The following CMSS1 variants were observed in gnomAD, a reference collection of about 807,000 sequenced individuals.
The protein encoded by CMSS1 is protein CMSS1.
In CMSS1, 33 loss-of-function variants were observed where a neutral mutation model predicts 43.5. That is an observed-to-expected ratio of 0.76 (90% CI 0.57 to 1.01). The LOEUF is 1.01. CMSS1 is among the 50% of genes least tolerant of loss of function. The pLI is 0.00. For missense variants in CMSS1, 313 were observed against 326.4 expected (o/e 0.96, Z 0.32); for synonymous variants, 115 against 117.2 (o/e 0.98, Z 0.12).
intron 1 of CMSS1, among the ~76,000 whole-genome samples, chr3:100,059,978 T>C (rs1431371457): frequency 2.0e-5 from 3 of 151,246 alleles, no homozygotes; most frequent in African/African-American, 7.3e-5. Context: ...AATGATTAAT[T>C]TAAAATGTGA....
intron 1 of CMSS1, among the ~76,000 whole-genome samples, chr3:99,906,048 C>T (rs146728254): frequency 8.9e-4 from 135 of 152,192 alleles, no homozygotes; most frequent in African/African-American, 3.1e-3. Flanking sequence ...CAAACATTAG[C>T]TGGGCATGGT....
At position 99,977,782 on chromosome 3, in the gene CMSS1, T is replaced by C. The variant is rs145336226; in HGVS notation, c.64+159739T>C. On this transcript the variant is annotated intron_variant, in intron 1 of 9. Transcript: ENST00000421999. ...CTACTGGGTCAGTTCCTTCATAAACTAGTTAACTTACTTTGTCTGATGGCC... is the reference window on the plus strand; with the variant it reads ...CTACTGGGTCAGTTCCTTCATAAACCAGTTAACTTACTTTGTCTGATGGCC... Among the ~76,000 whole-genome samples, 688 of 152,300 alleles carry C rather than the reference T, an allele frequency of 4.5e-3. 7 individuals are homozygous for C. Among genetic ancestry groups the C allele is most frequent in the African/African-American group, 0.016 (674 of 41,564 alleles).
chr3:99,902,326 A>G (rs1271281672), intron 1 of CMSS1, among the ~76,000 whole-genome samples: 3 of 152,180 alleles, frequency 2.0e-5, no homozygotes, highest in Non-Finnish European at 4.4e-5. Flanking sequence ...TCAGTGCTGA[A>G]TAGATATCTG....
chr3:99,832,543 TAA>T (rs746255036), intron 1 of CMSS1, among the ~76,000 whole-genome samples: 5 of 42,406 alleles, frequency 1.2e-4, no homozygotes, highest in East Asian at 1.0e-3. Context: ...CCCAAATCTT[TAA>T]AAAAAAAAAA....
rs547300952 is a variant in CMSS1 at position 99,913,389 on chromosome 3, G to A, written c.64+95346G>A. Among the ~76,000 whole-genome samples the A allele has an allele frequency of 7.8e-4, 119 of 152,226 alleles. 2 individuals are homozygous for A. The highest frequency in any genetic ancestry group is 3.4e-3 in the Middle Eastern group (1 of 294). On this transcript the variant is annotated intron_variant, in intron 1 of 9. Coordinates refer to ENST00000421999, the MANE Select transcript of CMSS1 (RefSeq NM_032359.4). ...TATTATCTTTTTGATTAAAGTTATC[G>A]TAGTGGATATGAAGTGGTATCTCTC...
chr3:100,126,265 A>G (rs1285898578), intron 1 of CMSS1, among the ~76,000 whole-genome samples: 1 of 152,208 alleles, frequency 6.6e-6, no homozygotes, highest in Non-Finnish European at 1.5e-5. Flanking sequence ...ATTATCTTGT[A>G]TACTGAAAAG....
At chr3:100,046,664 CT>C (rs1247235237) in intron 1 of CMSS1, among the ~76,000 whole-genome samples, 91 of 152,312 alleles carry the variant, frequency 6.0e-4, no homozygotes, top group African/African-American at 2.0e-3. Flanking sequence ...CAACCAACCA[CT>C]TGGCCATCTC....
At chr3:99,820,431 A>G (rs1297773333) in intron 1 of CMSS1, among the ~76,000 whole-genome samples, 1 of 151,434 alleles carries the variant, frequency 6.6e-6, no homozygotes, top group Non-Finnish European at 1.5e-5. Context: ...TCCTGACCTG[A>G]AGTGATCTGC....
chr3:100,088,346 T>C (rs2066048311), intron 1 of CMSS1, among the ~76,000 whole-genome samples: 5 of 152,138 alleles, frequency 3.3e-5, no homozygotes, highest in Admixed American at 3.3e-4. Context: ...CATTATGGAA[T>C]ACAGATACCT....
chr3:100,026,204 G>T (rs1347621986), intron 1 of CMSS1, among the ~76,000 whole-genome samples: 2 of 152,026 alleles, frequency 1.3e-5, no homozygotes, highest in Admixed American at 1.3e-4. Flanking sequence ...CCTTTTTATG[G>T]CCTGTTTTAA....
chr3:100,099,665 A>G (rs1287482765), intron 1 of CMSS1, among the ~76,000 whole-genome samples: 2 of 152,212 alleles, frequency 1.3e-5, no homozygotes, highest in African/African-American at 4.8e-5. Flanking sequence ...CTATATAAAT[A>G]TACCATGTTA....
At chr3:100,054,480 A>ATGTTT (rs1553709674) in intron 1 of CMSS1, among the ~76,000 whole-genome samples, 2 of 140,186 alleles carry the variant, frequency 1.4e-5, no homozygotes, top group African/African-American at 5.3e-5. Flanking sequence ...TCATTATATT[A>ATGTTT]TGTTATGTTT....
intron 1 of CMSS1, among the ~76,000 whole-genome samples, chr3:99,971,838 G>A (rs922858724): frequency 6.6e-6 from 1 of 152,108 alleles, no homozygotes; most frequent in Non-Finnish European, 1.5e-5. Flanking sequence ...GAATAATGAC[G>A]TTGGGGCCTC....
intron 1 of CMSS1, among the ~76,000 whole-genome samples, chr3:99,834,965 T>C (rs1463647790): frequency 6.6e-6 from 1 of 152,238 alleles, no homozygotes; most frequent in Non-Finnish European, 1.5e-5. Flanking sequence ...CCCTGGCCCA[T>C]CTAAAGTTTC....
intron 1 of CMSS1, among the ~76,000 whole-genome samples, chr3:99,839,785 A>G (rs1943050234): frequency 6.6e-6 from 1 of 151,982 alleles, no homozygotes; most frequent in South Asian, 2.1e-4. Flanking sequence ...ATGCAACAAA[A>G]CTCTTCAGTA....
chr3:100,007,918 T>G (rs1385531497), intron 1 of CMSS1, among the ~76,000 whole-genome samples: 2 of 152,138 alleles, frequency 1.3e-5, no homozygotes, highest in Non-Finnish European at 2.9e-5. Context: ...TTGCATATAG[T>G]TACTAGTTTT....
intron 1 of CMSS1, among the ~76,000 whole-genome samples, chr3:99,853,371 A>C (rs972063322): frequency 6.6e-6 from 1 of 152,198 alleles, no homozygotes; most frequent in Admixed American, 6.5e-5. Flanking sequence ...TTAAATATTT[A>C]TTTTCAACTT....
intron 1 of CMSS1, among the ~76,000 whole-genome samples, chr3:99,920,613 CTT>C (rs1707095244): frequency 6.6e-6 from 1 of 152,206 alleles, no homozygotes; most frequent in Non-Finnish European, 1.5e-5. Flanking sequence ...GCTAAGGAAA[CTT>C]TGCATTAACA....
chr3:100,095,512 T>C (rs566385857), intron 1 of CMSS1, among the ~76,000 whole-genome samples: 1 of 152,166 alleles, frequency 6.6e-6, no homozygotes, highest in East Asian at 1.9e-4. Flanking sequence ...AGAACATGCA[T>C]TGGAGAAAAG....
Sources: gnomAD v4.1 joint callset for allele counts (sites outside exome capture counted in the v4.1 genomes callset) on GRCh38, gnomAD v4.1.1 for gene constraint, MANE v1.5 for transcripts, NCBI Gene and HGNC (gene_info 2026-07-23, HGNC 2026-07-21) for gene names.